The following ABCB11 variants were observed in gnomAD, a reference collection of about 807,000 sequenced individuals.
ABCB11 encodes the protein bile salt export pump.
Under a neutral mutation model 148.0 loss-of-function variants are expected in ABCB11, and 95 were observed. That is an observed-to-expected ratio of 0.64 (90% confidence interval 0.54 to 0.76). ABCB11 has a LOEUF of 0.76. ABCB11 is among the 30% of genes least tolerant of loss of function. The pLI is 0.00. For synonymous variants in ABCB11, 591 were observed against 555.4 expected (o/e 1.06, Z -0.90); for missense variants, 1,523 against 1,617.8 (o/e 0.94, Z 1.01).
rs11568365 is a variant in ABCB11 at position 168,995,375 on chromosome 2, C to G, written c.585G>C (p.Val195=). 1.7e-5 allele frequency: 28 copies of G among 1,612,196 alleles called. No individual in the cohort carries two copies. In the African/African-American group the frequency reaches 3.7e-4, roughly 22 times the overall value. Residue 195 remains valine (V), a synonymous_variant, in exon 7 of 28, where the codon GTG becomes GTC. Coordinates refer to ENST00000650372, the MANE Select transcript of ABCB11 (RefSeq NM_003742.4). ...MEIGWFDCNS[V]GELNTRFSDD... is the part of the protein sequence containing the mutation. ...CAGAGAATCTTGTATTCAGCTCCCC[C>G]ACTGAATTGCAGTCAAACCACCCTA...
Position 168,936,305 on chromosome 2 carries a change from T to C in ABCB11, c.2739A>G (p.Leu913=), listed in dbSNP as rs775098358. ...ACATCCTGGTCTGTGTGGCTCCTGA[T>C]AAAGCCAAGAAGGGGAAGAAGCACA... ...VILCFFPFLA[L]SGATQTRMLT... is the part of the protein sequence containing the mutation. The change falls in exon 22 of 28, where the codon TTA becomes TTG. Residue 913 remains leucine (L), a synonymous_variant. Coordinates refer to ENST00000650372, the MANE Select transcript of ABCB11 (RefSeq NM_003742.4). The C allele has an allele frequency of 1.9e-6, 3 of 1,613,896 alleles. No homozygotes were observed. Among genetic ancestry groups the C allele is most frequent in the Non-Finnish European group, 2.5e-6 (3 of 1,179,872 alleles).
At chr2:169,006,154 C>T (rs1695011997) in intron 5 of ABCB11, among the ~76,000 whole-genome samples, 1 of 152,092 alleles carries the variant, frequency 6.6e-6, no homozygotes. Context: ...TCACTAAATA[C>T]AAACAAGTTG....
At position 168,920,879 on chromosome 2, in the gene ABCB11, C is replaced by T. The variant is rs1464472582; in HGVS notation, c.*2743G>A. ...TCAATTATTTCCCCAATTTCAAGCC[C>T]TCTTTAGACAATCTTTTCCCTGTCA... On this transcript the variant is annotated 3_prime_UTR_variant, in exon 28 of 28. Transcript: ENST00000650372. Among the ~76,000 whole-genome samples the T allele has an allele frequency of 6.6e-6, 1 of 152,206 alleles. No homozygotes were observed. The highest frequency in any genetic ancestry group is 2.4e-5 in the African/African-American group (1 of 41,458).
At chr2:168,998,487 T>C (rs1362454898) in intron 5 of ABCB11, among the ~76,000 whole-genome samples, 1 of 152,118 alleles carries the variant, frequency 6.6e-6, no homozygotes, top group Non-Finnish European at 1.5e-5. Context: ...ATGTCTTAGG[T>C]GATGGAAATG....
chr2:169,002,466 T>C (rs934764773), intron 5 of ABCB11, among the ~76,000 whole-genome samples: 2 of 152,082 alleles, frequency 1.3e-5, no homozygotes, highest in Non-Finnish European at 2.9e-5. Flanking sequence ...CCAAGGAAAA[T>C]GAAACCAATA....
intron 15 of ABCB11, among the ~76,000 whole-genome samples, chr2:168,969,833 G>A (rs1364520214): frequency 6.6e-6 from 1 of 152,028 alleles, no homozygotes; most frequent in Non-Finnish European, 1.5e-5. Context: ...ACTTTTACAT[G>A]TGTAGCTTTT....
intron 15 of ABCB11, 66 bp downstream of exon 15, chr2:168,969,979 G>A: frequency 1.5e-6 from 2 of 1,309,220 alleles, no homozygotes; most frequent in South Asian, 1.2e-5. Flanking sequence ...ACAAGGAGCT[G>A]CCTTTCCTGC....
chr2:168,979,993 A>C lies in ABCB11; in HGVS notation c.1084-14T>G. 1 of 1,510,404 alleles carries C rather than the reference A, an allele frequency of 6.6e-7. No individual in the cohort carries two copies. Among genetic ancestry groups the C allele is most frequent in the East Asian group, 2.3e-5 (1 of 43,862 alleles). The allele number at this position is 1,510,404 out of a possible 1,614,324, so 93.6% of individuals were successfully genotyped here. ...ACTGAGGAAAATCTGAAATGAAAAG[A>C]GAGAGATTTTTCATGTGTTTTTGTT... On this transcript the variant is annotated splice_polypyrimidine_tract_variant and intron_variant, in intron 10 of 27. Coordinates refer to ENST00000650372, the MANE Select transcript of ABCB11 (RefSeq NM_003742.4).
At chr2:169,003,842 C>G (rs1694948037) in intron 5 of ABCB11, among the ~76,000 whole-genome samples, 1 of 152,058 alleles carries the variant, frequency 6.6e-6, no homozygotes, top group South Asian at 2.1e-4. Flanking sequence ...CCCTGATTTG[C>G]TTGGTAGTGG....
chr2:168,996,703 C>A lies in ABCB11; in HGVS notation c.409G>T (p.Glu137Ter), dbSNP rs1026511416. The change falls in exon 6 of 28, where the codon GAA becomes TAA. Residue 137 changes from glutamate to a stop codon, truncating the protein, a stop_gained. Transcript: ENST00000650372. LOFTEE classifies it high-confidence loss of function. Reference protein sequence around the residue: ...TRCGLLNIESEMIKFASYYAG... With the variant: ...TRCGLLNIES ...TAGTAACTGGCAAATTTGATCATTT[C>A]GCTCTCGATGTTCAGCAACCTTCAA... 3 of 1,563,266 alleles carry A rather than the reference C, an allele frequency of 1.9e-6. No homozygotes were observed. Among genetic ancestry groups the A allele is most frequent in the Non-Finnish European group, 2.6e-6 (3 of 1,151,392 alleles).
Position 168,935,770 on chromosome 2 carries a change from T to A in ABCB11, c.2815-345A>T, listed in dbSNP as rs546633417. 1.5e-3 allele frequency among the ~76,000 whole-genome samples: 226 copies of A among 152,316 alleles called. 1 individual carries two copies. The highest frequency in any genetic ancestry group is 2.5e-3 in the Non-Finnish European group (167 of 68,018). ...CTAAACTGTAGTTCATAATTCTGGT[T>A]GGGAAAGACACTTGCCCCAAGCCTG... is the stretch of plus-strand genomic sequence containing the variant. On this transcript the variant is annotated intron_variant, in intron 22 of 27. Coordinates refer to ENST00000650372, the MANE Select transcript of ABCB11 (RefSeq NM_003742.4).
chr2:168,923,661 G>A lies in ABCB11; in HGVS notation c.3927C>T (p.Ala1309=). 6.2e-7 allele frequency: 1 copy of A among 1,613,780 alleles called. No homozygotes were observed. Among genetic ancestry groups the A allele is most frequent in the Non-Finnish European group, 8.5e-7 (1 of 1,179,862 alleles). ...ATCCAGTGGTGACTAGTTTGTAGTA[G>A]GCTCCTTTTTGGGCCATCAGTTCTT... ...THEELMAQKG[A]YYKLVTTGSP... is the part of the protein sequence containing the mutation. Residue 1309 remains alanine (A), a synonymous_variant, in exon 28 of 28, where the codon GCC becomes GCT. Transcript: ENST00000650372.
Position 169,018,047 on chromosome 2 carries a change from C to T in ABCB11, c.76+3G>A, listed in dbSNP as rs1401888612. On this transcript the variant is annotated splice_donor_region_variant and intron_variant, in intron 2 of 27. Transcript: ENST00000650372. ...GATGCAGTGAGGGAAAAAAGCCACTCACATGATTTATCTGACTCAAAACCA... is the reference window on the plus strand; with the variant it reads ...GATGCAGTGAGGGAAAAAAGCCACTTACATGATTTATCTGACTCAAAACCA... 3.2e-5 allele frequency: 52 copies of T among 1,611,708 alleles called. No individual in the cohort carries two copies. The highest frequency in any genetic ancestry group is 4.0e-5 in the African/African-American group (3 of 74,860).
At chr2:168,978,433 G>A (rs938411252) in intron 11 of ABCB11, among the ~76,000 whole-genome samples, 1 of 151,988 alleles carries the variant, frequency 6.6e-6, no homozygotes, top group African/African-American at 2.4e-5. Flanking sequence ...ACCATGCCTG[G>A]CCATCAATGA....
intron 25 of ABCB11, 23 bp from the exon 26 acceptor site, chr2:168,927,385 G>A (rs757797228): frequency 3.1e-6 from 5 of 1,587,718 alleles, no homozygotes; most frequent in East Asian, 4.5e-5. Context: ...GAGATGACAG[G>A]TCATTAGGTT....
At chr2:168,998,222 G>A (rs1035455231) in intron 5 of ABCB11, among the ~76,000 whole-genome samples, 2 of 152,024 alleles carry the variant, frequency 1.3e-5, no homozygotes, top group African/African-American at 4.8e-5. Flanking sequence ...GTTTTGGGGT[G>A]TCCCAAACCA....
rs1295449927 is a variant in ABCB11, at chr2:168,995,466, A to G, written c.494T>C (p.Ile165Thr). 1.2e-6 allele frequency: 2 copies of G among 1,611,702 alleles called. No homozygotes were observed. Among genetic ancestry groups the G allele is most frequent in the Non-Finnish European group, 8.5e-7 (1 of 1,178,638 alleles). Residue 165 changes from isoleucine (I) to threonine (T), a missense_variant, in exon 7 of 28, where the codon ATT (isoleucine) becomes ACT (threonine). Transcript: ENST00000650372. ...TGYIQICFWV[I>T]AAARQIQKMR... ...TTTCTGTATCTGACGAGCTGCGGCA[A>G]TGACCCAAAAGCATATCTGGAAATG...
intron 21 of ABCB11, among the ~76,000 whole-genome samples, chr2:168,939,784 G>A (rs1033736350): frequency 2.6e-5 from 4 of 152,026 alleles, no homozygotes; most frequent in African/African-American, 9.7e-5. Context: ...TATATGCAGA[G>A]CAATTCTATT....
At chr2:169,029,765 G>A (rs1406756130) in intron 1 of ABCB11, among the ~76,000 whole-genome samples, 5 of 92,860 alleles carry the variant, frequency 5.4e-5, no homozygotes, top group Non-Finnish European at 9.6e-5. Context: ...GAGGAGTCTC[G>A]CTCTGTCGCC....
Sources: allele counts gnomAD v4.1 joint callset (sites outside exome capture counted in the v4.1 genomes callset), GRCh38; gene constraint gnomAD v4.1.1; transcripts MANE v1.5; gene names NCBI Gene and HGNC (gene_info 2026-07-23, HGNC 2026-07-21).